PKP4: variants seen among roughly 807,000 people sequenced by gnomAD.
PKP4 encodes plakophilin-4.
PKP4 carries 90 observed loss-of-function variants against 145.1 expected under a neutral mutation model. The observed-to-expected ratio is 0.62, with a 90% CI of 0.52 to 0.74. The LOEUF (loss-of-function observed/expected upper bound fraction) is 0.74, where lower values mean the gene tolerates loss of function less well. Among genes scored for constraint, PKP4 ranks in the 30% least tolerant of loss-of-function variants. The pLI, the probability that PKP4 is intolerant of heterozygous loss-of-function variation, is 0.00. For missense variants in PKP4, 1,340 were observed against 1,482.7 expected, an observed-to-expected ratio of 0.90 and a Z score of 1.58; for synonymous variants, 563 against 577.2, an observed-to-expected ratio of 0.98 and a Z score of 0.35.
intron 3 of PKP4, among the ~76,000 whole-genome samples, chr2:158,595,256 G>A (rs1383787739): frequency 6.6e-6 from 1 of 152,124 alleles, no homozygotes; most frequent in Non-Finnish European, 1.5e-5. Flanking sequence ...CAGAAGACAG[G>A]TTATAGCATT....
At chr2:158,462,639 G>T (rs1689940458) in intron 1 of PKP4, among the ~76,000 whole-genome samples, 1 of 152,182 alleles carries the variant, frequency 6.6e-6, no homozygotes, top group Admixed American at 6.5e-5. Flanking sequence ...TTTGGCCAGG[G>T]AAAGTGCTTG....
intron 1 of PKP4, among the ~76,000 whole-genome samples, chr2:158,502,548 C>G (rs1049605265): frequency 4.6e-5 from 7 of 152,154 alleles, no homozygotes; most frequent in African/African-American, 1.7e-4. Context: ...TTCTCATCAC[C>G]CCTCACCTTC....
chr2:158,481,822 G>A (rs998188305), intron 1 of PKP4, among the ~76,000 whole-genome samples: 5 of 152,286 alleles, frequency 3.3e-5, no homozygotes, highest in East Asian at 1.9e-4. Flanking sequence ...TAAAATGTAC[G>A]TGGAGAGTTG....
At chr2:158,550,644 G>A (rs776778784) in intron 2 of PKP4, among the ~76,000 whole-genome samples, 3 of 152,150 alleles carry the variant, frequency 2.0e-5, no homozygotes, top group African/African-American at 4.8e-5. Flanking sequence ...GACTGGTGGG[G>A]CCTGTCTACT....
intron 11 of PKP4, among the ~76,000 whole-genome samples, chr2:158,648,953 G>A (rs952162043): frequency 2.6e-5 from 4 of 152,320 alleles, no homozygotes; most frequent in South Asian, 2.1e-4. Flanking sequence ...AGTCGACATC[G>A]CGCCACTGCA....
intron 2 of PKP4, among the ~76,000 whole-genome samples, chr2:158,567,176 C>T (rs1413124122): frequency 6.6e-6 from 1 of 152,084 alleles, no homozygotes; most frequent in Non-Finnish European, 1.5e-5. Context: ...ATATAGATTC[C>T]ACTCTTCTTT....
chr2:158,666,297 G>T, intron 15 of PKP4, 116 bp from the exon 16 acceptor site: 1 of 938,694 alleles, frequency 1.1e-6, no homozygotes, highest in Non-Finnish European at 1.5e-6. Context: ...TCTTCAATTG[G>T]AAAGAAACCA....
Position 158,664,151 on chromosome 2 carries a change from G to A in PKP4, c.2577+706G>A, listed in dbSNP as rs144538364. ...CCATGGCAGTGCAAAAGGTGGATTC[G>A]AGGAAGGGAGAGTTAGAAGCAGGGA... On this transcript the variant is annotated intron_variant, in intron 15 of 21. Transcript: ENST00000389759. 5.0e-4 allele frequency among the ~76,000 whole-genome samples: 76 copies of A among 152,296 alleles called. 1 individual carries two copies. Among genetic ancestry groups the A allele is most frequent in the African/African-American group, 1.8e-3 (74 of 41,562 alleles).
At chr2:158,618,785 T>C (rs2051904483) in intron 4 of PKP4, among the ~76,000 whole-genome samples, 1 of 152,134 alleles carries the variant, frequency 6.6e-6, no homozygotes, top group African/African-American at 2.4e-5. Context: ...GTGGGCAGCT[T>C]ACATAAAATT....
intron 2 of PKP4, among the ~76,000 whole-genome samples, chr2:158,553,738 T>G (rs1210199049): frequency 6.6e-6 from 1 of 152,212 alleles, no homozygotes; most frequent in African/African-American, 2.4e-5. Context: ...GTGTCATAAC[T>G]ATTATCCTAT....
At chr2:158,562,595 A>G (rs533079552) in intron 2 of PKP4, among the ~76,000 whole-genome samples, 2 of 152,186 alleles carry the variant, frequency 1.3e-5, no homozygotes, top group Non-Finnish European at 2.9e-5. Context: ...AAAGCCCTGT[A>G]CAATTAAAAA....
chr2:158,566,018 A>C (rs1407964761), intron 2 of PKP4, among the ~76,000 whole-genome samples: 1 of 152,174 alleles, frequency 6.6e-6, no homozygotes, highest in Non-Finnish European at 1.5e-5. Context: ...TATGTTTTCT[A>C]ATTCTAGTAC....
intron 2 of PKP4, among the ~76,000 whole-genome samples, chr2:158,533,942 A>T (rs3755402): frequency 1.3e-5 from 2 of 151,922 alleles, no homozygotes; most frequent in South Asian, 4.1e-4. Context: ...GGAATTCTGC[A>T]ATTTTAATTT....
At chr2:158,607,349 G>T (rs905736143) in intron 4 of PKP4, among the ~76,000 whole-genome samples, 1 of 152,148 alleles carries the variant, frequency 6.6e-6, no homozygotes, top group Non-Finnish European at 1.5e-5. Flanking sequence ...ATTAGCCAGG[G>T]TTCAGCTGGG....
intron 2 of PKP4, among the ~76,000 whole-genome samples, chr2:158,554,174 C>G (rs2045872320): frequency 6.7e-6 from 1 of 149,982 alleles, no homozygotes; most frequent in Non-Finnish European, 1.5e-5. Context: ...CTCCTCTCTC[C>G]TGACATTCAG....
chr2:158,485,765 CT>C (rs1694078298), intron 1 of PKP4, among the ~76,000 whole-genome samples: 1 of 152,084 alleles, frequency 6.6e-6, no homozygotes, highest in African/African-American at 2.4e-5. Flanking sequence ...AAAAGTGTAA[CT>C]TCATAATGGC....
intron 2 of PKP4, among the ~76,000 whole-genome samples, chr2:158,575,572 T>C (rs551341167): frequency 4.6e-5 from 7 of 152,290 alleles, no homozygotes; most frequent in Non-Finnish European, 7.4e-5. Flanking sequence ...GTACCTGATA[T>C]GGTAACTTTT....
At chr2:158,623,956 A>C (rs2052514021) in intron 6 of PKP4, among the ~76,000 whole-genome samples, 1 of 152,204 alleles carries the variant, frequency 6.6e-6, no homozygotes, top group Admixed American at 6.5e-5. Flanking sequence ...CATGAAAAAC[A>C]GTGTCCAGCA....
chr2:158,606,464 A>G (rs1352437984), intron 4 of PKP4, among the ~76,000 whole-genome samples: 1 of 152,164 alleles, frequency 6.6e-6, no homozygotes, highest in Non-Finnish European at 1.5e-5. Context: ...AACCTTACCA[A>G]CTGCCTTCAT....
Sources: allele counts gnomAD v4.1 joint callset (sites outside exome capture counted in the v4.1 genomes callset), GRCh38; gene constraint gnomAD v4.1.1; transcripts MANE v1.5; gene names NCBI Gene and HGNC (gene_info 2026-07-23, HGNC 2026-07-21).